The following TBX21 variants were observed in gnomAD, a reference collection of about 807,000 sequenced individuals.
TBX21 encodes T-box transcription factor TBX21.
TBX21 carries 11 observed loss-of-function variants against 52.2 expected under a neutral mutation model. That is an observed-to-expected ratio of 0.21 (90% CI 0.13 to 0.35). The LOEUF (loss-of-function observed/expected upper bound fraction) is 0.35, where lower values mean the gene tolerates loss of function less well. Among genes scored for constraint, TBX21 ranks in the 10% least tolerant of loss-of-function variants. The pLI is 1.00. For missense variants in TBX21, 625 were observed against 755.1 expected, an observed-to-expected ratio of 0.83 and a Z score of 2.02; for synonymous variants, 300 against 316.1, an observed-to-expected ratio of 0.95 and a Z score of 0.54.
Position 47,733,528 on chromosome 17 carries a change from G to C in TBX21, c.74G>C (p.Arg25Pro). The change falls in exon 1 of 6, where the codon CGG (arginine) becomes CCG (proline). Residue 25 changes from arginine (R) to proline (P), a missense_variant. Physicochemically the swap from Arg to Pro is moderately radical, Grantham distance 103. This residue lies in a region of TBX21 where 221 missense variants were observed against 204.9 expected (regional missense o/e 1.08). Transcript: ENST00000177694. This position sits in a 1 kb window ranked among gnomAD's most constrained non-coding sequence, Gnocchi z 6.6. ...TEPMPGSDEGRAPGADPQHRY... is the reference protein window; with the variant it reads ...TEPMPGSDEGPAPGADPQHRY... The stretch of plus-strand genomic sequence containing the variant: ...CCGATGCCGGGGAGCGACGAGGGCC[G>C]GGCGCCTGGCGCCGACCCGCAGCAC... 1 of 1,492,168 alleles carries C rather than the reference G, an allele frequency of 6.7e-7. No homozygotes were observed. The highest frequency in any genetic ancestry group is 8.9e-7 in the Non-Finnish European group (1 of 1,127,258). The allele number at this position is 1,492,168 out of a possible 1,614,324, so 92.4% of individuals were successfully genotyped here.
Position 47,733,518 on chromosome 17 carries a change from G to A in TBX21, c.64G>A (p.Asp22Asn), listed in dbSNP as rs1392210245. 2 of 1,493,436 alleles carry A rather than the reference G, an allele frequency of 1.3e-6. No homozygotes were observed. The highest frequency in any genetic ancestry group is 5.8e-5 in the East Asian group (2 of 34,192). The allele number at this position is 1,493,436 out of a possible 1,614,324, so 92.5% of individuals were successfully genotyped here. A position where few individuals can be genotyped will look rare whatever the true frequency, so the allele number is the denominator to read the frequency against. ...GGGCACCGAGCCGATGCCGGGGAGC[G>A]ACGAGGGCCGGGCGCCTGGCGCCGA... ...LTGTEPMPGS[D>N]EGRAPGADPQ... is the part of the protein sequence containing the mutation. The change falls in exon 1 of 6, where the codon GAC (aspartate) becomes AAC (asparagine). Residue 22 changes from aspartate to asparagine, a missense_variant. By Grantham distance (23) the Asp-to-Asn change is conservative. Transcript: ENST00000177694. This position sits in a 1 kb window ranked among gnomAD's most constrained non-coding sequence, Gnocchi z 6.6.
Position 47,745,262 on chromosome 17 carries a change from G to A in TBX21, c.1504G>A (p.Val502Met), listed in dbSNP as rs202153122. 2.4e-5 allele frequency: 38 copies of A among 1,614,112 alleles called. No individual in the cohort carries two copies. Among genetic ancestry groups the A allele is most frequent in the South Asian group, 3.3e-5 (3 of 91,094 alleles). Reference protein sequence around the residue: ...LGEGDSKRRRVSPYPSSGDSS... With the variant: ...LGEGDSKRRRMSPYPSSGDSS... ...CGAAGGAGACTCTAAGAGGAGGCGCGTGTCCCCCTATCCTTCCAGTGGTGA... is the reference window on the plus strand; with the variant it reads ...CGAAGGAGACTCTAAGAGGAGGCGCATGTCCCCCTATCCTTCCAGTGGTGA... The change falls in exon 6 of 6, where the codon GTG becomes ATG. Residue 502 changes from valine to methionine, a missense_variant. Val to Met is a conservative substitution (Grantham distance 21). Transcript: ENST00000177694.
Position 47,743,097 on chromosome 17 carries a change from T to A in TBX21, c.673T>A (p.Ser225Thr). ...PGNRLYVHPD[S>T]PNTGAHWMRQ... The stretch of plus-strand genomic sequence containing the variant: ...AAACCGCCTGTACGTCCACCCGGAC[T>A]CCCCCAACACAGGAGCGCACTGGAT... The change falls in exon 3 of 6, where the codon TCC (serine) becomes ACC (threonine). Residue 225 changes from serine to threonine, a missense_variant. By Grantham distance (58) the Ser-to-Thr change is moderately conservative. Coordinates refer to ENST00000177694, the MANE Select transcript of TBX21 (RefSeq NM_013351.2). 3 of 1,614,102 alleles carry A rather than the reference T, an allele frequency of 1.9e-6. No homozygotes were observed. Among genetic ancestry groups the A allele is most frequent in the Non-Finnish European group, 2.5e-6 (3 of 1,179,998 alleles).
At chr17:47,743,985 A>G (rs1178107346) in intron 3 of TBX21, among the ~76,000 whole-genome samples, 1 of 152,086 alleles carries the variant, frequency 6.6e-6, no homozygotes, top group Non-Finnish European at 1.5e-5. Flanking sequence ...GAGGTAGAAG[A>G]GGGGGCAAGA....
At chr17:47,734,914 C>T (rs560374205) in intron 1 of TBX21, among the ~76,000 whole-genome samples, 18 of 151,986 alleles carry the variant, frequency 1.2e-4, no homozygotes, top group Non-Finnish European at 2.5e-4. Context: ...GTGCTGCTTC[C>T]GGATAGAGCC....
In TBX21 at chr17:47,745,376, A is replaced by C. The variant is rs781519139; in HGVS notation, c.*10A>C. 2 of 1,578,886 alleles carry C rather than the reference A, an allele frequency of 1.3e-6. No individual in the cohort carries two copies. The highest frequency in any genetic ancestry group is 2.7e-5 in the African/African-American group (2 of 73,734). On this transcript the variant is annotated 3_prime_UTR_variant, in exon 6 of 6. Coordinates refer to ENST00000177694, the MANE Select transcript of TBX21 (RefSeq NM_013351.2). ...CTATTTTCCCAACTGAGCAGATGAC[A>C]TGATGAAAGGAACAGAAACAGTGTT... is the stretch of plus-strand genomic sequence containing the variant.
At position 47,742,683 on chromosome 17, in the gene TBX21, G is replaced by A. The variant is rs745464222; in HGVS notation, c.565G>A (p.Val189Met). 2.4e-5 allele frequency: 39 copies of A among 1,599,758 alleles called. No individual in the cohort carries two copies. In the Admixed American group the frequency reaches 5.4e-4, roughly 22 times the overall value. The change falls in exon 2 of 6, where the codon GTG becomes ATG. Residue 189 changes from valine to methionine, a missense_variant. Physicochemically the swap from Val to Met is conservative, Grantham distance 21. This residue lies in a region of TBX21 where 142 missense variants were observed against 258.5 expected (regional missense o/e 0.55). Transcript: ENST00000177694. The surrounding 1 kb of genome is among the most constrained non-coding windows in gnomAD (Gnocchi z 4.4). ...CAGCCACTACAGGATGTTTGTGGAC[G>A]TGGTCTTGGTGGACCAGCACCACTG... ...PTSHYRMFVD[V>M]VLVDQHHWRY...
rs2032273024 is a variant in TBX21 at position 47,742,143 on chromosome 17, C to T, written c.492-467C>T. ...GGAGGGCAGTGGCGCGATCTCAGCT[C>T]ACTGTAACCTCTGCCTCCTGGGTTC... On this transcript the variant is annotated intron_variant, in intron 1 of 5. Coordinates refer to ENST00000177694, the MANE Select transcript of TBX21 (RefSeq NM_013351.2). The surrounding 1 kb of genome is among the most constrained non-coding windows in gnomAD (Gnocchi z 4.4). 6.6e-6 allele frequency among the ~76,000 whole-genome samples: 1 copy of T among 151,512 alleles called. No individual in the cohort carries two copies. The highest frequency in any genetic ancestry group is 6.6e-5 in the Admixed American group (1 of 15,228).
chr17:47,742,936 T>C lies in TBX21; in HGVS notation c.647-135T>C. ...TCCTGCTTTGCTCTAGCCTGTCCTC[T>C]GCTGAGTCCTCTGCCCTTCCCTGCC... is the stretch of plus-strand genomic sequence containing the variant. On this transcript the variant is annotated intron_variant, in intron 2 of 5. Coordinates refer to ENST00000177694, the MANE Select transcript of TBX21 (RefSeq NM_013351.2). This position sits in a 1 kb window ranked among gnomAD's most constrained non-coding sequence, Gnocchi z 4.4. 1 of 1,514,222 alleles carries C rather than the reference T, an allele frequency of 6.6e-7. No individual in the cohort carries two copies. The allele number at this position is 1,514,222 out of a possible 1,614,324, so 93.8% of individuals were successfully genotyped here.
At chr17:47,740,007 C>A (rs542432554) in intron 1 of TBX21, among the ~76,000 whole-genome samples, 1 of 152,112 alleles carries the variant, frequency 6.6e-6, no homozygotes, top group African/African-American at 2.4e-5. Context: ...CACCGAGGAC[C>A]GTCACCAAAC....
chr17:47,734,062 C>T (rs2032174655), intron 1 of TBX21, 117 bp downstream of exon 1: 1 of 1,527,022 alleles, frequency 6.5e-7, no homozygotes, highest in Non-Finnish European at 8.9e-7. Context: ...GCTTTGGCTT[C>T]AGCGTAGGGA....
intron 2 of TBX21, 42 bp from the exon 3 acceptor site, chr17:47,743,029 C>T: frequency 6.2e-7 from 1 of 1,610,250 alleles, no homozygotes; most frequent in Non-Finnish European, 8.5e-7. Context: ...CACCAGGGTT[C>T]TGTCCCGGGG....
intron 1 of TBX21, among the ~76,000 whole-genome samples, chr17:47,738,608 T>TTTG (rs1017553849): frequency 6.6e-6 from 1 of 152,020 alleles, no homozygotes; most frequent in Non-Finnish European, 1.5e-5. Context: ...TATCACATTT[T>TTTG]TTTTTTTTTT....
rs201808493 is a variant in TBX21 at position 47,743,199 on chromosome 17, C to T, written c.768+7C>T. Reference sequence around the variant, plus strand: ...GTCCAACAATGTGACCCAGGTAGGACCTGCTCTTCAAAAGGTAGCCTCGCC... The same window carrying T: ...GTCCAACAATGTGACCCAGGTAGGATCTGCTCTTCAAAAGGTAGCCTCGCC... On this transcript the variant is annotated splice_region_variant and intron_variant, in intron 3 of 5. Transcript: ENST00000177694. The T allele has an allele frequency of 1.0e-4, 168 of 1,613,918 alleles. No individual in the cohort carries two copies. In the African/African-American group the frequency reaches 1.9e-3, roughly 18 times the overall value.
At chr17:47,734,597 G>GTA (rs2032184751) in intron 1 of TBX21, among the ~76,000 whole-genome samples, 25 of 135,622 alleles carry the variant, frequency 1.8e-4, no homozygotes, top group Non-Finnish European at 2.9e-4. Context: ...GTGTGTGTGT[G>GTA]TGTGTGTGTG....
At chr17:47,744,112 C>T (rs528777897) in intron 3 of TBX21, 83 bp from the exon 4 acceptor site, 17 of 1,550,688 alleles carry the variant, frequency 1.1e-5, no homozygotes, top group Admixed American at 9.0e-5. Flanking sequence ...GCTAGCCTCA[C>T]GTGGGGCCAG....
chr17:47,743,594 C>G (rs535715737), intron 3 of TBX21, among the ~76,000 whole-genome samples: 3 of 152,224 alleles, frequency 2.0e-5, no homozygotes, highest in East Asian at 3.9e-4. Context: ...TAAAAGTGCC[C>G]TTGCTGGCTG....
At chr17:47,738,163 A>AT (rs1182065725) in intron 1 of TBX21, among the ~76,000 whole-genome samples, 5 of 151,708 alleles carry the variant, frequency 3.3e-5, no homozygotes, top group Non-Finnish European at 7.4e-5. Flanking sequence ...TTAATTAAAA[A>AT]TTTTTTTTAA....
intron 1 of TBX21, among the ~76,000 whole-genome samples, chr17:47,735,718 T>C (rs2032200220): frequency 6.6e-6 from 1 of 152,236 alleles, no homozygotes; most frequent in African/African-American, 2.4e-5. Flanking sequence ...TATTTCACTG[T>C]GCGTTAGGTA....
Sources: gnomAD v4.1 joint callset for allele counts (sites outside exome capture counted in the v4.1 genomes callset) on GRCh38, gnomAD v4.1.1 for gene constraint, gnomAD v4.1.1 regional missense constraint, Gnocchi (gnomAD v3.1) non-coding constraint, MANE v1.5 for transcripts, NCBI Gene and HGNC (gene_info 2026-07-23, HGNC 2026-07-21) for gene names.